The following QSOX2 variants were observed in gnomAD, a reference collection of about 807,000 sequenced individuals.
The protein encoded by QSOX2 is quiescin sulfhydryl oxidase 2.
Under a neutral mutation model 61.7 loss-of-function variants are expected in QSOX2, and 46 were observed. That is an observed-to-expected ratio of 0.75 (90% CI 0.59 to 0.95). The LOEUF (loss-of-function observed/expected upper bound fraction) is 0.95, where lower values mean the gene tolerates loss of function less well. QSOX2 is among the 40% of genes least tolerant of loss of function. The pLI is 0.00. For missense variants in QSOX2, 879 were observed against 918.9 expected, an observed-to-expected ratio of 0.96 and a Z score of 0.56; for synonymous variants, 383 against 388.4, an observed-to-expected ratio of 0.99 and a Z score of 0.16.
At position 136,245,538 on chromosome 9, in the gene QSOX2, G is replaced by T; in HGVS notation, c.266C>A (p.Ser89Ter). 1.3e-6 allele frequency: 2 copies of T among 1,593,568 alleles called. No individual in the cohort carries two copies. Among genetic ancestry groups the T allele is most frequent in the South Asian group, 1.1e-5 (1 of 90,822 alleles). The stretch of plus-strand genomic sequence containing the variant: ...GTAGCCGATGCAGTGGCCACACCAC[G>T]ACGAGTAGAACTGCACGAGCCACGC... The part of the protein sequence containing the change: ...SAAWLVQFYS[S>*]WCGHCIGYAP... The change falls in exon 1 of 12, where the codon TCG becomes TAG. Residue 89 changes from serine to a stop codon, truncating the protein, a stop_gained. Coordinates refer to ENST00000358701, the MANE Select transcript of QSOX2 (RefSeq NM_181701.4). LOFTEE classifies it high-confidence loss of function.
At chr9:136,210,435 G>A (rs536318247) in intron 11 of QSOX2, 24 of 985,418 alleles carry the variant, frequency 2.4e-5, no homozygotes, top group East Asian at 2.3e-4. Flanking sequence ...CAGGCCTGGC[G>A]AGGGTCCTGG....
At position 136,208,641 on chromosome 9, in the gene QSOX2, C is replaced by T; in HGVS notation, c.*87G>A. 5 of 1,450,386 alleles carry T rather than the reference C, an allele frequency of 3.4e-6. No individual in the cohort carries two copies. The highest frequency in any genetic ancestry group is 4.6e-6 in the Non-Finnish European group (5 of 1,089,792). The allele number at this position is 1,450,386 out of a possible 1,614,324, so 89.8% of individuals were successfully genotyped here. On this transcript the variant is annotated 3_prime_UTR_variant, in exon 12 of 12. Coordinates refer to ENST00000358701, the MANE Select transcript of QSOX2 (RefSeq NM_181701.4). The stretch of plus-strand genomic sequence containing the variant: ...ACCAGGCCCGCATGTTTATAAAATC[C>T]CTGATCATAAATATTAAAGCTGCAG...
intron 7 of QSOX2, 70 bp from the exon 8 acceptor site, chr9:136,218,878 C>A: frequency 1.9e-6 from 3 of 1,585,046 alleles, no homozygotes; most frequent in Non-Finnish European, 2.6e-6. Context: ...CCTGTCCTGG[C>A]TCCTCCCCAC....
intron 1 of QSOX2, among the ~76,000 whole-genome samples, chr9:136,229,786 C>T (rs1357493119): frequency 1.3e-5 from 2 of 152,210 alleles, no homozygotes; most frequent in Non-Finnish European, 2.9e-5. Context: ...TCCCTGCTGC[C>T]CCAGGCACTT....
At chr9:136,229,078 C>T (rs2131062163) in intron 1 of QSOX2, among the ~76,000 whole-genome samples, 1 of 152,308 alleles carries the variant, frequency 6.6e-6, no homozygotes, top group East Asian at 1.9e-4. Context: ...CCTTTTCTCC[C>T]TGTAATTTAA....
intron 1 of QSOX2, among the ~76,000 whole-genome samples, chr9:136,232,228 A>G (rs1035707435): frequency 5.9e-5 from 9 of 152,194 alleles, no homozygotes; most frequent in Admixed American, 3.3e-4. Flanking sequence ...GGAACCGTTG[A>G]GGCTGTGCAG....
chr9:136,226,563 C>T (rs1830283646), intron 2 of QSOX2, among the ~76,000 whole-genome samples: 1 of 152,194 alleles, frequency 6.6e-6, no homozygotes, highest in African/African-American at 2.4e-5. Context: ...CCCACAGACA[C>T]TTCCACAGCA....
At chr9:136,231,764 C>T (rs1217880217) in intron 1 of QSOX2, among the ~76,000 whole-genome samples, 1 of 152,248 alleles carries the variant, frequency 6.6e-6, no homozygotes, top group East Asian at 1.9e-4. Flanking sequence ...TTTGAGCTTC[C>T]ATCAAAGGCT....
At chr9:136,241,522 T>G (rs1830433413) in intron 1 of QSOX2, among the ~76,000 whole-genome samples, 1 of 152,068 alleles carries the variant, frequency 6.6e-6, no homozygotes, top group South Asian at 2.1e-4. Flanking sequence ...CTTCAAGAGA[T>G]GTCGGATGTG....
intron 1 of QSOX2, among the ~76,000 whole-genome samples, 157 bp downstream of exon 1, chr9:136,245,319 C>T (rs1830462738): frequency 1.3e-5 from 2 of 151,866 alleles, no homozygotes; most frequent in African/African-American, 4.8e-5. Flanking sequence ...AGGGTTGGTC[C>T]GAGTCGGGTG....
chr9:136,230,829 C>T (rs1830323106), intron 1 of QSOX2, among the ~76,000 whole-genome samples: 1 of 152,196 alleles, frequency 6.6e-6, no homozygotes, highest in Non-Finnish European at 1.5e-5. Flanking sequence ...TTGTCCCCTC[C>T]TCTCCCCTCC....
At chr9:136,216,150 G>T (rs1218501067) in intron 9 of QSOX2, among the ~76,000 whole-genome samples, 1 of 152,232 alleles carries the variant, frequency 6.6e-6, no homozygotes, top group South Asian at 2.1e-4. Context: ...TGCTGATCTG[G>T]ACTAAGGAGG....
At chr9:136,227,101 C>G (rs551893852) in intron 1 of QSOX2, among the ~76,000 whole-genome samples, 1 of 152,192 alleles carries the variant, frequency 6.6e-6, no homozygotes, top group Non-Finnish European at 1.5e-5. Flanking sequence ...ACAGAACAAG[C>G]GGATTTGTGC....
intron 8 of QSOX2, among the ~76,000 whole-genome samples, chr9:136,217,247 G>A (rs1305714690): frequency 1.3e-5 from 2 of 152,258 alleles, no homozygotes; most frequent in Admixed American, 6.5e-5. Context: ...ACACAGCTTG[G>A]GGAGGCGTCT....
intron 10 of QSOX2, among the ~76,000 whole-genome samples, chr9:136,214,560 C>T (rs563667292): frequency 3.9e-5 from 6 of 152,358 alleles, no homozygotes; most frequent in South Asian, 4.1e-4. Flanking sequence ...AGGCAAGCCA[C>T]GTGCAAGGAG....
chr9:136,230,329 G>C (rs28403102), intron 1 of QSOX2, among the ~76,000 whole-genome samples: 3 of 152,214 alleles, frequency 2.0e-5, no homozygotes, highest in African/African-American at 7.2e-5. Flanking sequence ...GCGCTAGAGA[G>C]AATGTGAAGA....
intron 1 of QSOX2, among the ~76,000 whole-genome samples, chr9:136,238,559 C>T (rs1830409436): frequency 1.3e-5 from 2 of 152,204 alleles, no homozygotes; most frequent in Non-Finnish European, 1.5e-5. Context: ...TGAGCAAGCC[C>T]GGCGGGCAGC....
At chr9:136,228,884 A>G (rs1387268798) in intron 1 of QSOX2, among the ~76,000 whole-genome samples, 1 of 152,208 alleles carries the variant, frequency 6.6e-6, no homozygotes, top group African/African-American at 2.4e-5. Flanking sequence ...AATCATGTAA[A>G]AAGAGTAAGA....
intron 1 of QSOX2, among the ~76,000 whole-genome samples, chr9:136,237,406 G>A (rs1830394987): frequency 6.8e-6 from 1 of 147,028 alleles, no homozygotes; most frequent in Non-Finnish European, 1.5e-5. Context: ...CCTGGAGCCT[G>A]TCCTGGGCCT....
Sources: allele counts gnomAD v4.1 joint callset (sites outside exome capture counted in the v4.1 genomes callset), GRCh38; gene constraint gnomAD v4.1.1; transcripts MANE v1.5; gene names NCBI Gene and HGNC (gene_info 2026-07-23, HGNC 2026-07-21).